PRELID2: variants seen among roughly 807,000 people sequenced by gnomAD.
PRELID2 encodes the protein PRELI domain containing 2, also known as PRELI domain-containing protein 2.
PRELID2 carries 25 observed loss-of-function variants against 28.4 expected under a neutral mutation model. The observed-to-expected ratio is 0.88, with a 90% CI of 0.64 to 1.23. The LOEUF (loss-of-function observed/expected upper bound fraction) is 1.23, where lower values mean the gene tolerates loss of function less well. Ranked by LOEUF, PRELID2 falls within the 50% of genes most tolerant of loss-of-function variation. The pLI, the probability that PRELID2 is intolerant of heterozygous loss-of-function variation, is 0.00. For missense variants in PRELID2, 201 were observed against 214.4 expected (o/e 0.94, Z 0.39); for synonymous variants, 76 against 71.6 (o/e 1.06, Z -0.31).
chr5:145,704,113 G>C (rs973228608), intron 1 of PRELID2: 2 of 152,144 alleles, frequency 1.3e-5, no homozygotes, highest in Non-Finnish European at 2.9e-5. Context: ...AGATTTAGTT[G>C]CTGGCATTAC....
At chr5:145,452,411 A>G in the PRELID2 span, among the ~76,000 whole-genome samples, 3 of 152,140 alleles carry the variant, frequency 2.0e-5, no homozygotes, top group South Asian at 2.1e-4. Flanking sequence ...TGATATCTCT[A>G]GCAAGAACAC....
chr5:145,817,122 T>C (rs960500140), intron 4 of PRELID2, among the ~76,000 whole-genome samples: 1 of 148,092 alleles, frequency 6.8e-6, no homozygotes, highest in Non-Finnish European at 1.5e-5. Context: ...GCCCAGGAGG[T>C]TGAGGCTGCA....
chr5:145,351,866 C>A, the PRELID2 span, among the ~76,000 whole-genome samples: 1 of 152,164 alleles, frequency 6.6e-6, no homozygotes, highest in Non-Finnish European at 1.5e-5. Context: ...CCCTTGAAGT[C>A]CAAAATCCAT....
the PRELID2 span, among the ~76,000 whole-genome samples, chr5:145,311,876 G>C: frequency 2.0e-5 from 3 of 152,218 alleles, no homozygotes; most frequent in East Asian, 5.8e-4. Flanking sequence ...ACAGATATGA[G>C]AAGGGGCCCG....
intron 1 of PRELID2, among the ~76,000 whole-genome samples, chr5:145,583,291 T>C (rs1288888432): frequency 1.3e-5 from 2 of 152,050 alleles, no homozygotes; most frequent in Non-Finnish European, 2.9e-5. Context: ...GGAACACACC[T>C]CAAAATAATA....
At chr5:145,540,084 C>T (rs1447648334) in intron 1 of PRELID2, among the ~76,000 whole-genome samples, 1 of 151,768 alleles carries the variant, frequency 6.6e-6, no homozygotes, top group Non-Finnish European at 1.5e-5. Flanking sequence ...TCTTTGATTG[C>T]ACTGTGCATT....
downstream of PRELID2, among the ~76,000 whole-genome samples, chr5:145,754,924 T>G (rs1757217429): frequency 6.6e-6 from 1 of 152,158 alleles, no homozygotes; most frequent in Admixed American, 6.5e-5. Flanking sequence ...TGGTTCAACT[T>G]ATATAATTCT....
the PRELID2 span, among the ~76,000 whole-genome samples, chr5:145,247,645 G>A: frequency 1.1e-3 from 160 of 152,216 alleles, 1 homozygote; most frequent in African/African-American, 3.4e-3. Context: ...GCATGCCCAG[G>A]CCTGCAGCAG....
chr5:145,548,976 C>G (rs1287296406), intron 1 of PRELID2, among the ~76,000 whole-genome samples: 1 of 152,168 alleles, frequency 6.6e-6, no homozygotes, highest in Non-Finnish European at 1.5e-5. Flanking sequence ...ACAACATGCT[C>G]TCTCTCCCAT....
chr5:145,360,239 C>T, the PRELID2 span, among the ~76,000 whole-genome samples: 6 of 152,232 alleles, frequency 3.9e-5, no homozygotes, highest in Admixed American at 1.3e-4. Flanking sequence ...AAGGGTAGGT[C>T]GGCACCACCA....
chr5:145,337,032 C>G, the PRELID2 span, among the ~76,000 whole-genome samples: 1 of 150,914 alleles, frequency 6.6e-6, no homozygotes, highest in African/African-American at 2.4e-5. Context: ...TTAATGGGTG[C>G]AGCACACCAG....
chr5:145,720,650 T>C (rs1205279768), intron 1 of PRELID2, among the ~76,000 whole-genome samples: 1 of 152,056 alleles, frequency 6.6e-6, no homozygotes. Context: ...GTTATCACTG[T>C]GAAAATTTAG....
At chr5:145,304,752 G>A in the PRELID2 span, among the ~76,000 whole-genome samples, 25 of 152,038 alleles carry the variant, frequency 1.6e-4, no homozygotes, top group South Asian at 4.4e-3. Flanking sequence ...ACTATGTTCT[G>A]TTCATTTGGT....
At chr5:145,464,179 T>C in the PRELID2 span, among the ~76,000 whole-genome samples, 5 of 152,142 alleles carry the variant, frequency 3.3e-5, no homozygotes, top group Non-Finnish European at 7.3e-5. Flanking sequence ...AAGAGGTTCT[T>C]TAATTACCCC....
intron 1 of PRELID2, among the ~76,000 whole-genome samples, chr5:145,491,832 G>A (rs765003896): frequency 1.6e-4 from 24 of 151,902 alleles, no homozygotes; most frequent in Non-Finnish European, 3.5e-4. Flanking sequence ...TTCACTTAAT[G>A]TAATGTTCTC....
At chr5:145,804,843 A>G (rs1753388844) in intron 4 of PRELID2, among the ~76,000 whole-genome samples, 1 of 152,144 alleles carries the variant, frequency 6.6e-6, no homozygotes, top group Admixed American at 6.5e-5. Flanking sequence ...GAAGCTTCAA[A>G]TTACACAATG....
At chr5:145,370,297 AG>A in the PRELID2 span, among the ~76,000 whole-genome samples, 1 of 152,002 alleles carries the variant, frequency 6.6e-6, no homozygotes, top group Non-Finnish European at 1.5e-5. Flanking sequence ...ATTTTTGCAT[AG>A]GGTCTAAGGA....
At chr5:145,735,847 A>T (rs1242585946) in intron 1 of PRELID2, among the ~76,000 whole-genome samples, 1 of 152,230 alleles carries the variant, frequency 6.6e-6, no homozygotes, top group South Asian at 2.1e-4. Context: ...AGGGATTGCA[A>T]TTACGTGTGA....
chr5:145,522,276 C>T (rs1261936796), intron 1 of PRELID2, among the ~76,000 whole-genome samples: 1 of 152,052 alleles, frequency 6.6e-6, no homozygotes, highest in East Asian at 1.9e-4. Flanking sequence ...CATATAAATA[C>T]ATCAAACAGC....
Sources: allele counts gnomAD v4.1 joint callset (sites outside exome capture counted in the v4.1 genomes callset), GRCh38; gene constraint gnomAD v4.1.1; transcripts MANE v1.5; gene names NCBI Gene and HGNC (gene_info 2026-07-23, HGNC 2026-07-21).